PPHLN1: variants seen among roughly 807,000 people sequenced by gnomAD.
The protein encoded by PPHLN1 is periphilin 1.
PPHLN1 carries 29 observed loss-of-function variants against 51.3 expected under a neutral mutation model. The observed-to-expected ratio is 0.57, with a 90% confidence interval of 0.42 to 0.77. PPHLN1 has a LOEUF of 0.77. Ranked by LOEUF, PPHLN1 falls within the 30% of genes least tolerant of loss-of-function variation. The probability of loss-of-function intolerance (pLI) is 0.00; values close to 1 mark genes in which losing one functional copy is unlikely to be tolerated. For missense variants in PPHLN1, 436 were observed against 438.4 expected (o/e 0.99, Z 0.05); for synonymous variants, 147 against 147.8 (o/e 0.99, Z 0.04).
chr12:42,369,334 G>A (rs1163328204), intron 4 of PPHLN1, among the ~76,000 whole-genome samples: 1 of 152,086 alleles, frequency 6.6e-6, no homozygotes, highest in Admixed American at 6.6e-5. Flanking sequence ...TCTTTTTCTA[G>A]AAGCTTTATT....
At chr12:42,405,547 T>C (rs148074879) in intron 9 of PPHLN1, among the ~76,000 whole-genome samples, 12 of 152,312 alleles carry the variant, frequency 7.9e-5, no homozygotes, top group Admixed American at 7.8e-4. Flanking sequence ...TCTTTCGTTG[T>C]TTTTCTTTCC....
At chr12:42,387,701 A>G (rs1303387277) in intron 7 of PPHLN1, among the ~76,000 whole-genome samples, 166 bp downstream of exon 7, 1 of 152,176 alleles carries the variant, frequency 6.6e-6, no homozygotes, top group Non-Finnish European at 1.5e-5. Context: ...TAATCCCAGG[A>G]CTTTGAGAGA....
chr12:42,396,381 A>C (rs1159457691), intron 8 of PPHLN1, among the ~76,000 whole-genome samples: 6 of 152,058 alleles, frequency 3.9e-5, no homozygotes, highest in Non-Finnish European at 7.4e-5. Flanking sequence ...TGTGTCAGAC[A>C]TTGCTTTTGA....
chr12:42,378,200 G>C (rs545493870), intron 5 of PPHLN1, among the ~76,000 whole-genome samples: 2 of 151,046 alleles, frequency 1.3e-5, no homozygotes, highest in African/African-American at 2.4e-5. Flanking sequence ...GAAAAAGTTT[G>C]TTCTGGGAAA....
intron 9 of PPHLN1, among the ~76,000 whole-genome samples, chr12:42,404,092 C>T (rs1160796509): frequency 1.3e-5 from 2 of 150,768 alleles, no homozygotes; most frequent in Non-Finnish European, 2.9e-5. Flanking sequence ...TATAAGTTCT[C>T]TCACAGAATT....
chr12:42,386,467 A>G (rs2077201195), intron 6 of PPHLN1, among the ~76,000 whole-genome samples: 1 of 152,166 alleles, frequency 6.6e-6, no homozygotes, highest in South Asian at 2.1e-4. Flanking sequence ...GGAAGAGCTT[A>G]AGAGGCTTTT....
At chr12:42,356,456 G>A (rs2074057452) in intron 4 of PPHLN1, among the ~76,000 whole-genome samples, 1 of 152,142 alleles carries the variant, frequency 6.6e-6, no homozygotes, top group Non-Finnish European at 1.5e-5. Context: ...CCTTTCCCTG[G>A]GAGTGACCTG....
chr12:42,332,694 A>G, intron 1 of PPHLN1: 2 of 1,542,760 alleles, frequency 1.3e-6, no homozygotes, highest in Non-Finnish European at 1.8e-6. Context: ...GATTCCTAAA[A>G]GGACTCAAGT....
At chr12:42,353,652 T>G (rs1236923832) in intron 3 of PPHLN1, among the ~76,000 whole-genome samples, 2 of 152,222 alleles carry the variant, frequency 1.3e-5, no homozygotes, top group Non-Finnish European at 2.9e-5. Flanking sequence ...TTTTATTTTA[T>G]TTCAGTAGCT....
At chr12:42,436,100 T>C (rs1174738166) in intron 9 of PPHLN1, among the ~76,000 whole-genome samples, 1 of 152,250 alleles carries the variant, frequency 6.6e-6, no homozygotes, top group Non-Finnish European at 1.5e-5. Context: ...TACCTGCTAA[T>C]TGCCAAATCC....
intron 2 of PPHLN1, among the ~76,000 whole-genome samples, chr12:42,350,747 G>A (rs981818624): frequency 1.3e-5 from 2 of 152,132 alleles, no homozygotes; most frequent in African/African-American, 4.8e-5. Context: ...CAGATCACTC[G>A]AGGTCAGGAG....
intron 6 of PPHLN1, among the ~76,000 whole-genome samples, chr12:42,386,276 CTGCACAT>C (rs1353966262): frequency 6.6e-6 from 1 of 152,228 alleles, no homozygotes; most frequent in African/African-American, 2.4e-5. Flanking sequence ...TCAAAAATAT[CTGCACAT>C]ACTACCAAAT....
At chr12:42,370,456 G>A (rs1476238679) in intron 4 of PPHLN1, among the ~76,000 whole-genome samples, 2 of 152,116 alleles carry the variant, frequency 1.3e-5, no homozygotes, top group Non-Finnish European at 2.9e-5. Context: ...TGAGAACTCT[G>A]TTGTATTTTA....
chr12:42,372,709 C>A (rs897209972), intron 4 of PPHLN1, among the ~76,000 whole-genome samples: 1 of 152,038 alleles, frequency 6.6e-6, no homozygotes, highest in African/African-American at 2.4e-5. Context: ...TATTTACAGA[C>A]AAATTTATAT....
In PPHLN1 at chr12:42,335,874, TTTC is replaced by T. The variant is rs1372548900; in HGVS notation, c.-20-6_-20-4del. On this transcript the variant is annotated splice_polypyrimidine_tract_variant and splice_region_variant and intron_variant, in intron 1 of 9. Coordinates refer to ENST00000358314, the MANE Select transcript of PPHLN1 (RefSeq NM_201439.2). Reference sequence around the variant, plus strand: ...GTATAAAATCCATAATTCTTTTTTTTTTCTTTAGTGGCTTACAGAAGAGACGAA... The same window carrying T: ...GTATAAAATCCATAATTCTTTTTTTTTTTAGTGGCTTACAGAAGAGACGAA... 2.0e-6 allele frequency: 3 copies of T among 1,494,172 alleles called. No homozygotes were observed. Among genetic ancestry groups the T allele is most frequent in the Non-Finnish European group, 2.7e-6 (3 of 1,112,106 alleles). The allele number at this position is 1,494,172 out of a possible 1,614,324, so 92.6% of individuals were successfully genotyped here.
At chr12:42,350,142 C>G (rs1173084428) in intron 2 of PPHLN1, 1 of 148,772 alleles carries the variant, frequency 6.7e-6, no homozygotes, top group East Asian at 2.0e-4. Context: ...GGGCGGCTGC[C>G]GGGCGGGGGC....
intron 7 of PPHLN1, among the ~76,000 whole-genome samples, chr12:42,388,055 C>T (rs547619729): frequency 1.3e-5 from 2 of 152,322 alleles, no homozygotes; most frequent in South Asian, 4.1e-4. Context: ...AGGTATTGTC[C>T]AAGGTTTCTC....
chr12:42,446,624 A>T (rs74711639), downstream of PPHLN1: 2 of 1,613,124 alleles, frequency 1.2e-6, no homozygotes, highest in African/African-American at 2.7e-5. Flanking sequence ...AGTAACTGCT[A>T]TGCCTGACAA....
chr12:42,397,513 G>T (rs1462981732), intron 8 of PPHLN1, among the ~76,000 whole-genome samples: 2 of 151,200 alleles, frequency 1.3e-5, no homozygotes, highest in Non-Finnish European at 2.9e-5. Flanking sequence ...CTTCTCTGTT[G>T]TACTTTCTTT....
Sources: allele counts gnomAD v4.1 joint callset (sites outside exome capture counted in the v4.1 genomes callset), GRCh38; gene constraint gnomAD v4.1.1; transcripts MANE v1.5; gene names NCBI Gene and HGNC (gene_info 2026-07-23, HGNC 2026-07-21).